Variants in CFI observed in about 807,000 individuals in gnomAD.
CFI encodes the protein C3B/C4B inactivator.
In CFI, 66 loss-of-function variants were observed where a neutral mutation model predicts 78.8. That is an observed-to-expected ratio of 0.84 (90% CI 0.69 to 1.03). The LOEUF is 1.03. Among genes scored for constraint, CFI ranks in the 50% least tolerant of loss-of-function variants. The pLI is 0.00. For missense variants in CFI, 706 were observed against 704.5 expected (o/e 1.00, Z -0.02); for synonymous variants, 250 against 232.6 (o/e 1.07, Z -0.68).
intron 1 of CFI, among the ~76,000 whole-genome samples, chr4:109,778,309 A>G (rs529676989): frequency 6.6e-6 from 1 of 152,364 alleles, no homozygotes; most frequent in East Asian, 1.9e-4. Flanking sequence ...ATCACCACCG[A>G]TCCCACAGAA....
intron 1 of CFI, among the ~76,000 whole-genome samples, chr4:109,777,767 A>G (rs573096830): frequency 1.3e-5 from 2 of 152,322 alleles, no homozygotes; most frequent in East Asian, 3.9e-4. Context: ...AAGAACAGAA[A>G]TTATAACAAA....
At chr4:109,733,282 A>G in the CFI span, among the ~76,000 whole-genome samples, 1 of 152,192 alleles carries the variant, frequency 6.6e-6, no homozygotes. Flanking sequence ...CATCTCACGT[A>G]ACTTCTAGAT....
At chr4:109,745,746 T>TC (rs1375060276) in intron 11 of CFI, among the ~76,000 whole-genome samples, 2 of 152,044 alleles carry the variant, frequency 1.3e-5, no homozygotes, top group Non-Finnish European at 2.9e-5. Context: ...ACCAAGGCTA[T>TC]CCCTTTGTAA....
intron 3 of CFI, 138 bp from the exon 4 acceptor site, chr4:109,761,830 ACT>A: frequency 1.4e-6 from 1 of 713,202 alleles, no homozygotes; most frequent in Non-Finnish European, 2.4e-6. Flanking sequence ...AGATACCGAA[ACT>A]CTGAGCCTCA....
rs1442045995 is a variant in CFI at position 109,766,571 on chromosome 4, C to T, written c.311G>A (p.Gly104Glu). The change falls in exon 2 of 13, where the codon GGA becomes GAA. Residue 104 changes from glycine (G) to glutamate (E), a missense_variant. Transcript: ENST00000394634. The stretch of plus-strand genomic sequence containing the variant: ...CTTGCTACCTTCGGCTGTGCATGTT[C>T]CGTTATTTAAAAACTTTGTCCCTGG... ...LHPGTKFLNN[G>E]TCTAEGKFSV... 1.9e-6 allele frequency: 3 copies of T among 1,614,040 alleles called. No individual in the cohort carries two copies. The highest frequency in any genetic ancestry group is 2.5e-6 in the Non-Finnish European group (3 of 1,180,020).
At chr4:109,763,713 C>A (rs958031734) in intron 3 of CFI, among the ~76,000 whole-genome samples, 2 of 151,720 alleles carry the variant, frequency 1.3e-5, no homozygotes, top group African/African-American at 4.8e-5. Flanking sequence ...GAACCCTGCA[C>A]GTGGAGCATT....
chr4:109,752,559 AATC>A, intron 7 of CFI, 56 bp from the exon 8 acceptor site: 1 of 1,373,568 alleles, frequency 7.3e-7, no homozygotes, highest in Non-Finnish European at 1.0e-6. Context: ...GTCAAAATGA[AATC>A]ATTAAAATCA....
chr4:109,742,321 A>C (rs879717520), intron 12 of CFI, 170 bp downstream of exon 12: 1 of 638,432 alleles, frequency 1.6e-6, no homozygotes, highest in Non-Finnish European at 2.8e-6. Flanking sequence ...TATTAGAGGA[A>C]GAAACCTGAG....
intron 2 of CFI, 91 bp from the exon 3 acceptor site, chr4:109,764,781 G>A: frequency 2.5e-6 from 3 of 1,185,172 alleles, no homozygotes; most frequent in South Asian, 2.7e-5. Flanking sequence ...TGTACTTAAT[G>A]TCAAGTGAGC....
chr4:109,766,934 G>C, intron 1 of CFI, 110 bp from the exon 2 acceptor site: 1 of 1,060,762 alleles, frequency 9.4e-7, no homozygotes, highest in Non-Finnish European at 1.4e-6. Context: ...GTACAGATGA[G>C]GATGGTGTTG....
At chr4:109,757,991 A>G (rs1726540112) in intron 6 of CFI, 3 of 1,426,636 alleles carry the variant, frequency 2.1e-6, no homozygotes, top group Non-Finnish European at 9.3e-7. Context: ...TCACTATAGC[A>G]AAGAGATCAT....
intron 1 of CFI, among the ~76,000 whole-genome samples, chr4:109,770,556 TAAA>T (rs11310218): frequency 5.7e-5 from 7 of 123,446 alleles, no homozygotes; most frequent in Admixed American, 8.2e-5. Context: ...ACTCCATCTC[TAAA>T]AAAAAAAAAA....
At chr4:109,750,345 TC>T (rs886972915) in intron 8 of CFI, among the ~76,000 whole-genome samples, 27 of 152,174 alleles carry the variant, frequency 1.8e-4, no homozygotes, top group Non-Finnish European at 2.8e-4. Context: ...TATATTAATA[TC>T]AATGTTAACA....
intron 7 of CFI, among the ~76,000 whole-genome samples, chr4:109,753,682 T>G (rs1362139609): frequency 4.3e-4 from 48 of 111,328 alleles, no homozygotes; most frequent in African/African-American, 1.7e-3. Flanking sequence ...TTATATTATA[T>G]ATTATATAAT....
At chr4:109,773,291 G>C (rs988523565) in intron 1 of CFI, among the ~76,000 whole-genome samples, 1 of 152,196 alleles carries the variant, frequency 6.6e-6, no homozygotes, top group Admixed American at 6.5e-5. Context: ...ACTTTGGGAG[G>C]CTGAGGCAGG....
At chr4:109,801,845 T>G in intron 1 of CFI, 70 bp downstream of exon 1, 2 of 1,029,096 alleles carry the variant, frequency 1.9e-6, no homozygotes, top group South Asian at 1.5e-5. Flanking sequence ...ATATTTAAGA[T>G]TATTTTCTAT....
chr4:109,764,037 C>A (rs1249757744), intron 3 of CFI, among the ~76,000 whole-genome samples: 5 of 148,172 alleles, frequency 3.4e-5, no homozygotes, highest in Non-Finnish European at 7.4e-5. Flanking sequence ...GTACACTATA[C>A]TCATAGTATA....
At chr4:109,787,597 T>G (rs952083058) in intron 1 of CFI, among the ~76,000 whole-genome samples, 1 of 148,766 alleles carries the variant, frequency 6.7e-6, no homozygotes, top group African/African-American at 2.5e-5. Context: ...AGGTCTTTTG[T>G]TTTTTTTTTA....
chr4:109,753,158 A>G (rs1725436594), intron 7 of CFI, among the ~76,000 whole-genome samples: 1 of 58,478 alleles, frequency 1.7e-5, no homozygotes, highest in Non-Finnish European at 2.9e-5. Flanking sequence ...TATTTATTAT[A>G]TAAATAAATA....
Sources: allele counts gnomAD v4.1 joint callset (sites outside exome capture counted in the v4.1 genomes callset), GRCh38; gene constraint gnomAD v4.1.1; transcripts MANE v1.5; gene names NCBI Gene and HGNC (gene_info 2026-07-23, HGNC 2026-07-21).